SHLD2: variants seen among roughly 807,000 people sequenced by gnomAD.
SHLD2 encodes shieldin complex subunit 2.
SHLD2 carries 30 observed loss-of-function variants against 73.2 expected under a neutral mutation model. That is an observed-to-expected ratio of 0.41 (90% CI 0.31 to 0.56). The LOEUF is 0.56. Ranked by LOEUF, SHLD2 falls within the 20% of genes least tolerant of loss-of-function variation. The pLI, the probability that SHLD2 is intolerant of heterozygous loss-of-function variation, is 0.28. For synonymous variants in SHLD2, 285 were observed against 370.1 expected (o/e 0.77, Z 2.64); for missense variants, 745 against 1,055.9 (o/e 0.71, Z 4.08).
intron 9 of SHLD2, among the ~76,000 whole-genome samples, chr10:87,187,557 C>G (rs561565166): frequency 6.6e-6 from 1 of 152,124 alleles, no homozygotes; most frequent in Non-Finnish European, 1.5e-5. Flanking sequence ...GATCTTCAAC[C>G]GTGATGTCTT....
chr10:87,155,570 A>G (rs903987731), intron 3 of SHLD2, among the ~76,000 whole-genome samples: 1 of 151,838 alleles, frequency 6.6e-6, no homozygotes, highest in South Asian at 2.1e-4. Flanking sequence ...GCAGAGCTGA[A>G]ATCTAGTTTT....
intron 2 of SHLD2, among the ~76,000 whole-genome samples, chr10:87,102,485 A>G (rs534205590): frequency 6.6e-6 from 1 of 152,160 alleles, no homozygotes; most frequent in Admixed American, 6.5e-5. Context: ...AGACAGGCAG[A>G]TTACCTGAGG....
At chr10:87,105,410 A>G (rs139233481) in intron 2 of SHLD2, among the ~76,000 whole-genome samples, 99 of 152,324 alleles carry the variant, frequency 6.5e-4, no homozygotes, top group African/African-American at 2.3e-3. Flanking sequence ...TTCTTAATGA[A>G]AGACATGTCA....
intron 2 of SHLD2, among the ~76,000 whole-genome samples, chr10:87,130,660 T>G (rs1394761375): frequency 6.6e-6 from 1 of 152,216 alleles, no homozygotes; most frequent in African/African-American, 2.4e-5. Flanking sequence ...CTTTTGAGGA[T>G]TCTGTGGACG....
At chr10:87,155,053 G>A (rs1008824770) in intron 3 of SHLD2, among the ~76,000 whole-genome samples, 1 of 152,132 alleles carries the variant, frequency 6.6e-6, no homozygotes, top group Non-Finnish European at 1.5e-5. Context: ...TCCTGCCTCA[G>A]CCTCCTGAAT....
chr10:87,141,633 G>A (rs540115898), intron 2 of SHLD2, among the ~76,000 whole-genome samples: 1 of 152,248 alleles, frequency 6.6e-6, no homozygotes, highest in South Asian at 2.1e-4. Flanking sequence ...AAAATAGCTG[G>A]AAGAGGGGCT....
At chr10:87,132,709 G>A (rs1156539792) in intron 2 of SHLD2, among the ~76,000 whole-genome samples, 2 of 152,174 alleles carry the variant, frequency 1.3e-5, no homozygotes. Context: ...AGGAGGTCAA[G>A]GCTGTGGTGA....
At chr10:87,138,741 A>G (rs910300094) in intron 2 of SHLD2, among the ~76,000 whole-genome samples, 11 of 152,252 alleles carry the variant, frequency 7.2e-5, no homozygotes, top group Non-Finnish European at 1.5e-4. Context: ...ATTAACTGCT[A>G]CAAGAATCAT....
At chr10:87,158,433 T>G (rs1430497054) in intron 4 of SHLD2, among the ~76,000 whole-genome samples, 2 of 152,170 alleles carry the variant, frequency 1.3e-5, no homozygotes, top group African/African-American at 4.8e-5. Flanking sequence ...AGAGACCTCT[T>G]TGAGAATCTA....
Position 87,152,800 on chromosome 10 carries a change from T to C in SHLD2, c.1446T>C (p.Thr482=), listed in dbSNP as rs1564601114. Residue 482 remains threonine, a synonymous_variant, in exon 3 of 10, where the codon ACT becomes ACC. Transcript: ENST00000298786. The part of the protein sequence containing the change: ...ATVTVIDQSE[T]KKKVFLWRTA... ...TTACAGTAATTGATCAATCAGAAACTAAGAAGAAGGTTTTTCTGTGGAGGA... is the reference window on the plus strand; with the variant it reads ...TTACAGTAATTGATCAATCAGAAACCAAGAAGAAGGTTTTTCTGTGGAGGA... 4 of 1,611,494 alleles carry C rather than the reference T, an allele frequency of 2.5e-6. No homozygotes were observed. Among genetic ancestry groups the C allele is most frequent in the African/African-American group, 1.3e-5 (1 of 74,942 alleles).
At chr10:87,130,883 C>A (rs1844378843) in intron 2 of SHLD2, among the ~76,000 whole-genome samples, 1 of 152,108 alleles carries the variant, frequency 6.6e-6, no homozygotes, top group Admixed American at 6.5e-5. Context: ...GAAGCCTGGG[C>A]AACATAGCAA....
In SHLD2 at chr10:87,151,864, G is replaced by A. The variant is rs2134325236; in HGVS notation, c.510G>A (p.Leu170=). Residue 170 remains leucine (L), a synonymous_variant, in exon 3 of 10, where the codon TTG becomes TTA. Transcript: ENST00000298786. ...ACTTTAACACAAATTTGTTTCAGTTGGGCCATAAATGTGCAGCTGTGTTGG... is the reference window on the plus strand; with the variant it reads ...ACTTTAACACAAATTTGTTTCAGTTAGGCCATAAATGTGCAGCTGTGTTGG... ...GKNFNTNLFQ[L]GHKCAAVLDL... 6.2e-7 allele frequency: 1 copy of A among 1,611,486 alleles called. No homozygotes were observed. The highest frequency in any genetic ancestry group is 2.2e-5 in the East Asian group (1 of 44,862).
At chr10:87,160,590 A>C (rs547983777) in intron 4 of SHLD2, among the ~76,000 whole-genome samples, 1 of 152,290 alleles carries the variant, frequency 6.6e-6, no homozygotes. Context: ...TTTAATAGAA[A>C]AGCACTCGAG....
intron 2 of SHLD2, among the ~76,000 whole-genome samples, chr10:87,135,412 A>T (rs1261093378): frequency 6.6e-6 from 1 of 152,002 alleles, no homozygotes; most frequent in African/African-American, 2.4e-5. Flanking sequence ...ATGTCCTTCT[A>T]TTGATATCTG....
chr10:87,158,974 A>C (rs1435846917), intron 4 of SHLD2, among the ~76,000 whole-genome samples: 1 of 152,162 alleles, frequency 6.6e-6, no homozygotes, highest in East Asian at 1.9e-4. Flanking sequence ...TGAGAAAATG[A>C]ATATAAGATG....
intron 2 of SHLD2, among the ~76,000 whole-genome samples, chr10:87,121,011 T>G (rs973831310): frequency 6.1e-4 from 93 of 152,148 alleles, no homozygotes; most frequent in Middle Eastern, 3.4e-3. Flanking sequence ...CATTGCGCCA[T>G]TGCACTCCAG....
At chr10:87,129,889 G>A (rs916085224) in intron 2 of SHLD2, among the ~76,000 whole-genome samples, 2 of 151,960 alleles carry the variant, frequency 1.3e-5, no homozygotes, top group African/African-American at 2.4e-5. Flanking sequence ...CTAAAATTCT[G>A]GGATTACAGT....
intron 1 of SHLD2, among the ~76,000 whole-genome samples, chr10:87,095,771 A>G (rs917662342): frequency 6.6e-6 from 1 of 152,166 alleles, no homozygotes; most frequent in South Asian, 2.1e-4. Flanking sequence ...TCACCTTTGC[A>G]GACAGAGGCT....
At chr10:87,184,650 T>C (rs1589673339) in intron 8 of SHLD2, among the ~76,000 whole-genome samples, 1 of 152,168 alleles carries the variant, frequency 6.6e-6, no homozygotes, top group Middle Eastern at 3.4e-3. Flanking sequence ...TCCTCTGCAG[T>C]CTCATCTGCT....
Sources: allele counts gnomAD v4.1 joint callset (sites outside exome capture counted in the v4.1 genomes callset), GRCh38; gene constraint gnomAD v4.1.1; transcripts MANE v1.5; gene names NCBI Gene and HGNC (gene_info 2026-07-23, HGNC 2026-07-21).